IBTK: variants seen among roughly 807,000 people sequenced by gnomAD.
IBTK encodes the protein BTK-binding protein.
IBTK carries 83 observed loss-of-function variants against 154.9 expected under a neutral mutation model. The ratio of observed to expected loss-of-function variants is 0.54; its 90% CI spans 0.45 to 0.64. IBTK has a LOEUF of 0.64. Among genes scored for constraint, IBTK ranks in the 30% least tolerant of loss-of-function variants. The pLI is 0.00. For missense variants in IBTK, 1,332 were observed against 1,584.6 expected, an observed-to-expected ratio of 0.84 and a Z score of 2.71; for synonymous variants, 515 against 536.1, an observed-to-expected ratio of 0.96 and a Z score of 0.54.
chr6:82,181,096 C>G (rs9361895), intron 26 of IBTK, among the ~76,000 whole-genome samples: 25,868 of 151,964 alleles, frequency 0.17, 2,243 homozygotes, highest in Non-Finnish European at 0.18. Flanking sequence ...AAAGCAGTAT[C>G]AAAAATAGCT....
intron 2 of IBTK, among the ~76,000 whole-genome samples, chr6:82,237,538 AAGT>A (rs1383671329): frequency 6.3e-5 from 9 of 143,112 alleles, no homozygotes; most frequent in South Asian, 2.4e-4. Flanking sequence ...ATGATTCACT[AAGT>A]AGTAGTAGTA....
rs1387670496 is a variant in IBTK, at chr6:82,214,597, A to T, written c.1834T>A (p.Ser612Thr). The change falls in exon 12 of 29, where the codon TCT becomes ACT. Residue 612 changes from serine (S) to threonine (T), a missense_variant. Ser to Thr is a moderately conservative substitution (Grantham distance 58, BLOSUM62 1). This residue lies in a region of IBTK where 1,134 missense variants were observed against 1,274.7 expected (regional missense o/e 0.89). Coordinates refer to ENST00000306270, the MANE Select transcript of IBTK (RefSeq NM_015525.4). ...ACCACAAAGAGATGGCACCCTGCAG[A>T]ATCTTCATCTTTCTGGTAAATATCT... ...FTDIYQKDED[S>T]AGCHLFVVEK... 6.2e-7 allele frequency: 1 copy of T among 1,614,006 alleles called. No homozygotes were observed. The highest frequency in any genetic ancestry group is 8.5e-7 in the Non-Finnish European group (1 of 1,180,004).
intron 26 of IBTK, among the ~76,000 whole-genome samples, chr6:82,176,356 A>AT (rs1008494241): frequency 3.3e-5 from 5 of 151,834 alleles, no homozygotes; most frequent in African/African-American, 9.7e-5. Context: ...CCCTGTCTGT[A>AT]TTAAAAATAT....
intron 23 of IBTK, among the ~76,000 whole-genome samples, 199 bp from the exon 24 acceptor site, chr6:82,192,078 T>C (rs1768789897): frequency 1.3e-5 from 2 of 152,104 alleles, no homozygotes; most frequent in Non-Finnish European, 2.9e-5. Flanking sequence ...TTAACTAATA[T>C]ATATCCAAAA....
chr6:82,227,884 T>C (rs1770357905), intron 4 of IBTK, among the ~76,000 whole-genome samples: 1 of 151,926 alleles, frequency 6.6e-6, no homozygotes, highest in Non-Finnish European at 1.5e-5. Context: ...AGTTTTTCTC[T>C]CCTTTCCCAC....
In IBTK at chr6:82,172,415, T is replaced by C. The variant is rs1767954672; in HGVS notation, c.3895A>G (p.Ile1299Val). The change falls in exon 28 of 29, where the codon ATT (isoleucine) becomes GTT (valine). Residue 1299 changes from isoleucine (I) to valine (V), a missense_variant. This residue lies in a region of IBTK where 1,134 missense variants were observed against 1,274.7 expected (regional missense o/e 0.89). Transcript: ENST00000306270. ...EEELQQEAALIRSREKPLALI... is the reference protein window; with the variant it reads ...EEELQQEAALVRSREKPLALI... ...GCCAACGGTTTTTCTCGACTTCTAATAAGAGCTGCTTCTTGTTGTAGTTCT... is the reference window on the plus strand; with the variant it reads ...GCCAACGGTTTTTCTCGACTTCTAACAAGAGCTGCTTCTTGTTGTAGTTCT... 6.2e-7 allele frequency: 1 copy of C among 1,614,004 alleles called. No individual in the cohort carries two copies. The highest frequency in any genetic ancestry group is 8.5e-7 in the Non-Finnish European group (1 of 1,179,906).
chr6:82,210,903 C>G lies in IBTK; in HGVS notation c.2420G>C (p.Ser807Thr). The G allele has an allele frequency of 6.5e-7, 1 of 1,536,888 alleles. No individual in the cohort carries two copies. The highest frequency in any genetic ancestry group is 8.8e-7 in the Non-Finnish European group (1 of 1,139,584). The change falls in exon 16 of 29, where the codon AGT (serine) becomes ACT (threonine). Residue 807 changes from serine to threonine, a missense_variant. Physicochemically the swap from Ser to Thr is moderately conservative, Grantham distance 58. This residue lies in a region of IBTK where 1,134 missense variants were observed against 1,274.7 expected (regional missense o/e 0.89). Coordinates refer to ENST00000306270, the MANE Select transcript of IBTK (RefSeq NM_015525.4). ...TATTGGCATTTCCAGAGCTGCACAA[C>G]TGGAAGCCTAAATAAAATAAGACAA... ...MLSSSWIEASSCAALEMPIHS... is the reference protein window; with the variant it reads ...MLSSSWIEASTCAALEMPIHS...
Position 82,171,134 on chromosome 6 carries a change from T to C in IBTK, c.*291A>G, listed in dbSNP as rs1767913909. On this transcript the variant is annotated 3_prime_UTR_variant, in exon 29 of 29. Coordinates refer to ENST00000306270, the MANE Select transcript of IBTK (RefSeq NM_015525.4). The stretch of plus-strand genomic sequence containing the variant: ...AATACTTTACCCCCCTTATATCTTA[T>C]GATTCAATCACTTATATTTTCCTTT... 1 of 186,918 alleles carries C rather than the reference T, an allele frequency of 5.3e-6. No homozygotes were observed. Among genetic ancestry groups the C allele is most frequent in the Non-Finnish European group, 1.1e-5 (1 of 91,492 alleles). 11.6% of individuals were successfully genotyped at this position (186,918 alleles called of 1,614,324 possible).
chr6:82,237,216 GGTTGGC>G (rs1770748799), intron 2 of IBTK, among the ~76,000 whole-genome samples: 2 of 151,760 alleles, frequency 1.3e-5, no homozygotes, highest in Admixed American at 6.6e-5. Flanking sequence ...AACTCAGCAG[GGTTGGC>G]AGTCATCCAA....
chr6:82,222,915 C>A (rs1495560), intron 8 of IBTK, among the ~76,000 whole-genome samples: 73,407 of 147,818 alleles, frequency 0.5, 18,154 homozygotes, highest in East Asian at 0.67. Context: ...AAAAAAAAAA[C>A]AAAAACTTTA....
intron 21 of IBTK, among the ~76,000 whole-genome samples, chr6:82,197,984 C>T (rs1452601881): frequency 6.6e-6 from 1 of 152,108 alleles, no homozygotes; most frequent in East Asian, 1.9e-4. Context: ...GATATCCTGG[C>T]CACAGAAAGA....
At chr6:82,216,335 G>C in intron 10 of IBTK, 85 bp from the exon 11 acceptor site, 6 of 860,198 alleles carry the variant, frequency 7.0e-6, no homozygotes, top group Non-Finnish European at 1.1e-5. Context: ...TAGAAAAGGA[G>C]TTAGAAAAAT....
intron 15 of IBTK, among the ~76,000 whole-genome samples, 154 bp downstream of exon 15, chr6:82,211,213 G>C (rs1769623951): frequency 3.3e-5 from 5 of 152,056 alleles, no homozygotes; most frequent in Admixed American, 1.3e-4. Context: ...TCTAAGTGTT[G>C]CTATTTTCCA....
At chr6:82,227,721 T>C (rs1770346429) in intron 4 of IBTK, among the ~76,000 whole-genome samples, 1 of 152,080 alleles carries the variant, frequency 6.6e-6, no homozygotes, top group Admixed American at 6.6e-5. Flanking sequence ...ATAAAAATAA[T>C]AGAAACATCT....
chr6:82,242,202 T>C (rs1770978675), intron 1 of IBTK, among the ~76,000 whole-genome samples: 1 of 151,962 alleles, frequency 6.6e-6, no homozygotes, highest in Non-Finnish European at 1.5e-5. Context: ...AAACCCTATC[T>C]CTATTAAAAA....
rs1165493829 is a variant in IBTK at position 82,240,508 on chromosome 6, T to TA, written c.-23dup. On this transcript the variant is annotated 5_prime_UTR_variant, in exon 2 of 29. Coordinates refer to ENST00000306270, the MANE Select transcript of IBTK (RefSeq NM_015525.4). ...TCATCCTAACTGTTTTTATACCACTTACTTCAGAATCGTGAAAACTAATTT... is the reference window on the plus strand; with the variant it reads ...TCATCCTAACTGTTTTTATACCACTTAACTTCAGAATCGTGAAAACTAATTT... 1 of 1,572,490 alleles carries TA rather than the reference T, an allele frequency of 6.4e-7. No homozygotes were observed. Among genetic ancestry groups the TA allele is most frequent in the Non-Finnish European group, 8.6e-7 (1 of 1,158,728 alleles).
chr6:82,237,590 A>AGTG (rs1363867804), intron 2 of IBTK, among the ~76,000 whole-genome samples: 1 of 150,292 alleles, frequency 6.7e-6, no homozygotes, highest in African/African-American at 2.4e-5. Context: ...TAGTAGTAGT[A>AGTG]GTGGTGGTGG....
intron 23 of IBTK, among the ~76,000 whole-genome samples, chr6:82,194,204 A>G (rs1460538818): frequency 1.3e-5 from 2 of 152,120 alleles, no homozygotes; most frequent in Non-Finnish European, 2.9e-5. Context: ...TCTAAGAAAT[A>G]ACTACTGATA....
chr6:82,216,727 T>C (rs1178352175), intron 10 of IBTK, among the ~76,000 whole-genome samples: 2 of 152,134 alleles, frequency 1.3e-5, no homozygotes, highest in South Asian at 2.1e-4. Flanking sequence ...GTAACCAAAC[T>C]GGGCTACTAT....
Sources: gnomAD v4.1 joint callset for allele counts (sites outside exome capture counted in the v4.1 genomes callset) on GRCh38, gnomAD v4.1.1 for gene constraint, gnomAD v4.1.1 regional missense constraint, MANE v1.5 for transcripts, NCBI Gene and HGNC (gene_info 2026-07-23, HGNC 2026-07-21) for gene names.